CCDC88A: variants seen among roughly 807,000 people sequenced by gnomAD.
CCDC88A encodes the protein coiled-coil and HOOK domain protein 88A, also known as girdin.
CCDC88A carries 54 observed loss-of-function variants against 234.3 expected under a neutral mutation model. The observed-to-expected ratio is 0.23, with a 90% CI of 0.19 to 0.29. The LOEUF is 0.29. Among genes scored for constraint, CCDC88A ranks in the 10% least tolerant of loss-of-function variants. CCDC88A has a pLI of 1.00. For missense variants in CCDC88A, 1,832 were observed against 2,123.4 expected, an observed-to-expected ratio of 0.86 and a Z score of 2.70; for synonymous variants, 753 against 737.8, an observed-to-expected ratio of 1.02 and a Z score of -0.33.
At chr2:55,347,605 C>CATTTTTTTTTTTT in intron 9 of CCDC88A, among the ~76,000 whole-genome samples, 1 of 90,672 alleles carries the variant, frequency 1.1e-5, no homozygotes, top group Non-Finnish European at 2.4e-5. Flanking sequence ...TATTCATCTA[C>CATTTTTTTTTTTT]CTTTTTTTTT....
chr2:55,297,263 A>G (rs2104554367), intron 29 of CCDC88A: 1 of 62,230 alleles, frequency 1.6e-5, no homozygotes, highest in Admixed American at 3.4e-4. Flanking sequence ...TCTAATGTGT[A>G]TTTTTATATA....
At chr2:55,320,207 G>C (rs1683454176) in intron 18 of CCDC88A, among the ~76,000 whole-genome samples, 1 of 152,070 alleles carries the variant, frequency 6.6e-6, no homozygotes, top group Admixed American at 6.5e-5. Context: ...TCAGCACAAA[G>C]AGGTGAACCA....
chr2:55,381,397 A>G (rs1263257207), intron 3 of CCDC88A, among the ~76,000 whole-genome samples: 1 of 151,960 alleles, frequency 6.6e-6, no homozygotes, highest in African/African-American at 2.4e-5. Flanking sequence ...CAGCAACAAC[A>G]ACAAAATTAG....
chr2:55,419,521 C>CTTTTTGAATGATA lies in CCDC88A; in HGVS notation c.-443_-442insTATCATTCAAAAA. The CTTTTTGAATGATA allele has an allele frequency of 6.3e-6, 1 of 159,242 alleles. No individual in the cohort carries two copies. The highest frequency in any genetic ancestry group is 1.7e-4 in the South Asian group (1 of 5,736). The allele number at this position is 159,242 out of a possible 1,614,324, so 9.9% of individuals were successfully genotyped here. ...AGACCACGTTAAGGATACCGAGGCG[C>CTTTTTGAATGATA]CACCAGACTCGACCTCGGCGTTCCG... is the stretch of plus-strand genomic sequence containing the variant. On this transcript the variant is annotated 5_prime_UTR_variant, in exon 1 of 33. Transcript: ENST00000436346.
rs10590157 is a variant in CCDC88A, at chr2:55,413,968, C to CA, written c.164+4847dup. Among the ~76,000 whole-genome samples the CA allele has an allele frequency of 2.7e-4, 40 of 148,380 alleles. 1 individual carries two copies. The highest frequency in any genetic ancestry group is 8.2e-4 in the African/African-American group (33 of 40,116). On this transcript the variant is annotated intron_variant, in intron 2 of 32. Transcript: ENST00000436346. ...CCGTCTCAAAAAACAAAAACAAAAA[C>CA]AAAAAAAAAAAACAAGCAAACAAAC...
intron 26 of CCDC88A, 40 bp from the exon 27 acceptor site, chr2:55,302,112 T>A (rs1680965720): frequency 1.3e-6 from 2 of 1,494,950 alleles, no homozygotes; most frequent in African/African-American, 1.4e-5. Flanking sequence ...GCATGGTTAA[T>A]GTATTTGTTC....
In CCDC88A at chr2:55,335,222, A is replaced by C. The variant is rs79646187; in HGVS notation, c.1657-58T>G. 1,022 of 1,116,486 alleles carry C rather than the reference A, an allele frequency of 9.2e-4. 5 individuals carry two copies. The African/African-American group carries it at 0.01, about 11-fold the overall frequency. 69.2% of individuals were successfully genotyped at this position (1,116,486 alleles called of 1,614,324 possible). A position where few individuals can be genotyped will look rare whatever the true frequency, so the allele number is the denominator to read the frequency against. ...ATTGAGGAAAAACTAACTATGGTTT[A>C]TCTCTTCCAAAAACTACCAAGAAAA... On this transcript the variant is annotated intron_variant, in intron 14 of 32. Transcript: ENST00000436346. The surrounding 1 kb of genome is among the most constrained non-coding windows in gnomAD (Gnocchi z 4.5).
chr2:55,321,368 T>C (rs1350290630), intron 18 of CCDC88A, among the ~76,000 whole-genome samples: 1 of 151,870 alleles, frequency 6.6e-6, no homozygotes, highest in Non-Finnish European at 1.5e-5. Flanking sequence ...CTGACAAGCA[T>C]GGTGAAAACT....
rs902018633 is a variant in CCDC88A, at chr2:55,289,816, G to A, written c.*1384C>T. On this transcript the variant is annotated 3_prime_UTR_variant, in exon 33 of 33. Transcript: ENST00000436346. ...GAGAGAGAGAGAGACTTTTCTTATG[G>A]TTACTGGGTTAGTGATGAAACCCAC... 1 of 151,658 alleles carries A rather than the reference G, an allele frequency of 6.6e-6. No individual in the cohort carries two copies. Among genetic ancestry groups the A allele is most frequent in the East Asian group, 1.9e-4 (1 of 5,184 alleles). 9.4% of individuals were successfully genotyped at this position (151,658 alleles called of 1,614,324 possible).
chr2:55,321,339 T>G (rs1415803553), intron 18 of CCDC88A, among the ~76,000 whole-genome samples: 1 of 151,822 alleles, frequency 6.6e-6, no homozygotes, highest in Non-Finnish European at 1.5e-5. Flanking sequence ...GATCATGAGG[T>G]CAGGAGATTG....
At position 55,332,784 on chromosome 2, in the gene CCDC88A, G is replaced by A. The variant is rs2104683675; in HGVS notation, c.2728-91C>T. 2 of 1,076,416 alleles carry A rather than the reference G, an allele frequency of 1.9e-6. No homozygotes were observed. The highest frequency in any genetic ancestry group is 2.7e-6 in the Non-Finnish European group (2 of 729,072). The allele number at this position is 1,076,416 out of a possible 1,614,324, so 66.7% of individuals were successfully genotyped here. ...TAAGATTCTAATTACCACCATCTAG[G>A]AATACATGTAATTTGAACCAGGAAA... On this transcript the variant is annotated intron_variant, in intron 15 of 32. Transcript: ENST00000436346. The surrounding 1 kb of genome is among the most constrained non-coding windows in gnomAD (Gnocchi z 4.5).
chr2:55,388,143 A>G (rs1676013870), intron 3 of CCDC88A, among the ~76,000 whole-genome samples: 1 of 152,224 alleles, frequency 6.6e-6, no homozygotes, highest in Non-Finnish European at 1.5e-5. Context: ...AGGCCAAGCT[A>G]AGTAATTCTT....
intron 10 of CCDC88A, among the ~76,000 whole-genome samples, chr2:55,345,158 G>A (rs1354110112): frequency 6.6e-6 from 1 of 152,152 alleles, no homozygotes; most frequent in Non-Finnish European, 1.5e-5. Flanking sequence ...CCTTAACAGT[G>A]TCATGCATAC....
At position 55,292,768 on chromosome 2, in the gene CCDC88A, G is replaced by A. The variant is rs1679572482; in HGVS notation, c.5552-993C>T. The A allele has an allele frequency of 1.3e-5, 2 of 152,350 alleles. 1 individual carries two copies. Among genetic ancestry groups the A allele is most frequent in the Non-Finnish European group, 2.9e-5 (2 of 68,180 alleles). 9.4% of individuals were successfully genotyped at this position (152,350 alleles called of 1,614,324 possible). On this transcript the variant is annotated intron_variant, in intron 31 of 32. Transcript: ENST00000436346. Reference sequence around the variant, plus strand: ...CCCAGCTGCTTGGGAGGCTGAGGCAGGAGAATTGCCTGAATCCAGGAGGCA... The same window carrying A: ...CCCAGCTGCTTGGGAGGCTGAGGCAAGAGAATTGCCTGAATCCAGGAGGCA...
chr2:55,341,532 C>A (rs1668499683), intron 12 of CCDC88A, among the ~76,000 whole-genome samples: 1 of 151,340 alleles, frequency 6.6e-6, no homozygotes, highest in South Asian at 2.1e-4. Context: ...GCAACTTCTG[C>A]CTCACGGGTT....
At chr2:55,294,727 T>C in intron 31 of CCDC88A, 5 of 991,270 alleles carry the variant, frequency 5.0e-6, no homozygotes, top group Non-Finnish European at 6.0e-6. Flanking sequence ...AATGTCTTCT[T>C]GGTAAGAGAG....
chr2:55,343,019 A>T (rs952376315), intron 12 of CCDC88A, among the ~76,000 whole-genome samples: 25 of 152,150 alleles, frequency 1.6e-4, no homozygotes, highest in Admixed American at 1.6e-3. Context: ...GCTATAATCC[A>T]AACAATTGTA....
At chr2:55,301,806 A>G in intron 27 of CCDC88A, 66 bp downstream of exon 27, 1 of 1,378,522 alleles carries the variant, frequency 7.3e-7, no homozygotes, top group Non-Finnish European at 1.0e-6. Context: ...GTACACAGGG[A>G]AAAGTCAAAT....
intron 9 of CCDC88A, among the ~76,000 whole-genome samples, chr2:55,347,787 T>G (rs926441194): frequency 2.0e-5 from 3 of 151,664 alleles, no homozygotes; most frequent in African/African-American, 7.3e-5. Flanking sequence ...AATTTTTGTA[T>G]TTTCAGTAGA....
Sources: allele counts gnomAD v4.1 joint callset (sites outside exome capture counted in the v4.1 genomes callset), GRCh38; gene constraint gnomAD v4.1.1; non-coding constraint Gnocchi (gnomAD v3.1); transcripts MANE v1.5; gene names NCBI Gene and HGNC (gene_info 2026-07-23, HGNC 2026-07-21).